The following CCDC149 variants were observed in gnomAD, a reference collection of about 807,000 sequenced individuals.
The protein encoded by CCDC149 is coiled-coil domain-containing protein 149.
A neutral mutation model predicts 59.9 loss-of-function variants in CCDC149; 45 were observed. The ratio of observed to expected loss-of-function variants is 0.75; its 90% CI spans 0.59 to 0.96. The LOEUF is 0.96. Among genes scored for constraint, CCDC149 ranks in the 40% least tolerant of loss-of-function variants. The pLI is 0.00. For synonymous variants in CCDC149, 245 were observed against 260.6 expected, an observed-to-expected ratio of 0.94 and a Z score of 0.58; for missense variants, 584 against 664.7, an observed-to-expected ratio of 0.88 and a Z score of 1.33.
At chr4:24,913,782 C>CA (rs1190133337), upstream of CCDC149, among the ~76,000 whole-genome samples, 7 of 152,020 alleles carry the variant, frequency 4.6e-5, no homozygotes, top group Non-Finnish European at 8.8e-5. Context: ...CCCCTCTTTA[C>CA]AAAAAATAAA....
chr4:24,873,965 ATTGT>A (rs143722356), intron 2 of CCDC149, among the ~76,000 whole-genome samples: 14,288 of 152,230 alleles, frequency 0.094, 794 homozygotes, highest in South Asian at 0.15. Context: ...ATTTCCTAAA[ATTGT>A]TTGAACACAA....
intron 1 of CCDC149, among the ~76,000 whole-genome samples, chr4:24,936,684 T>A (rs190629302): frequency 1.2e-3 from 180 of 152,186 alleles, no homozygotes; most frequent in Admixed American, 4.7e-3. Flanking sequence ...TTTGTTCCCA[T>A]TGATCAACCT....
chr4:24,912,938 G>A lies in CCDC149; in HGVS notation c.-59C>T. ...CTCCTCCTCGCGACGTCGCGTCGCC[G>A]CCGCCGCCCGGGCCCCGCGCGGCCC... On this transcript the variant is annotated 5_prime_UTR_variant, in exon 1 of 13. Coordinates refer to ENST00000635206, the MANE Select transcript of CCDC149 (RefSeq NM_001330643.2). 1 of 1,052,372 alleles carries A rather than the reference G, an allele frequency of 9.5e-7. No individual in the cohort carries two copies. Among genetic ancestry groups the A allele is most frequent in the Non-Finnish European group, 1.2e-6 (1 of 817,064 alleles). 65.2% of individuals were successfully genotyped at this position (1,052,372 alleles called of 1,614,324 possible).
chr4:24,814,372 G>GA (rs1344852922), intron 12 of CCDC149, among the ~76,000 whole-genome samples: 2 of 152,024 alleles, frequency 1.3e-5, no homozygotes, highest in Admixed American at 6.6e-5. Context: ...CCTTGATTTT[G>GA]AAAAAAACAA....
Position 24,837,319 on chromosome 4 carries a change from T to C in CCDC149, c.571A>G (p.Lys191Glu). 1 of 1,614,200 alleles carries C rather than the reference T, an allele frequency of 6.2e-7. No homozygotes were observed. The highest frequency in any genetic ancestry group is 8.5e-7 in the Non-Finnish European group (1 of 1,180,042). The change falls in exon 6 of 13, where the codon AAA (lysine) becomes GAA (glutamate). Residue 191 changes from lysine to glutamate, a missense_variant. Lys to Glu is a moderately conservative substitution (Grantham distance 56, BLOSUM62 1). Transcript: ENST00000635206. This position sits in a 1 kb window ranked among gnomAD's most constrained non-coding sequence, Gnocchi z 4.3. ...AGCTCCTGGTTGAGCCTCTCCACTT[T>C]GTCCTGGTAGGAAGACCGTTCTTCT...
intron 1 of CCDC149, among the ~76,000 whole-genome samples, chr4:24,910,381 C>A (rs1378769219): frequency 2.0e-5 from 3 of 152,126 alleles, no homozygotes; most frequent in Admixed American, 1.3e-4. Flanking sequence ...TCTGCAAAGG[C>A]CCTATTTCCA....
intron 12 of CCDC149, among the ~76,000 whole-genome samples, chr4:24,816,693 CTTATTA>C (rs1190500140): frequency 1.3e-5 from 2 of 152,138 alleles, no homozygotes; most frequent in South Asian, 4.2e-4. Context: ...ATCATTAACA[CTTATTA>C]TTAATAATGA....
At chr4:24,873,626 T>C in intron 3 of CCDC149, 55 bp downstream of exon 3, 1 of 1,142,470 alleles carries the variant, frequency 8.8e-7, no homozygotes, top group Non-Finnish European at 1.3e-6. Flanking sequence ...TCCCTGATCC[T>C]CCCAATTGCT....
chr4:24,879,956 T>C (rs985057983), intron 1 of CCDC149, among the ~76,000 whole-genome samples: 2 of 152,192 alleles, frequency 1.3e-5, no homozygotes, highest in Non-Finnish European at 2.9e-5. Context: ...AGGCCACAGA[T>C]AGCCCACAAG....
intron 2 of CCDC149, among the ~76,000 whole-genome samples, chr4:24,873,932 T>C (rs943350588): frequency 5.3e-5 from 8 of 151,866 alleles, no homozygotes; most frequent in Admixed American, 3.9e-4. Flanking sequence ...GGGAATCAGT[T>C]CCCATTAGGA....
At chr4:24,907,073 A>C (rs1721579600) in intron 1 of CCDC149, among the ~76,000 whole-genome samples, 1 of 152,236 alleles carries the variant, frequency 6.6e-6, no homozygotes, top group African/African-American at 2.4e-5. Context: ...TCCACTACTC[A>C]AACAACAAAA....
intron 3 of CCDC149, among the ~76,000 whole-genome samples, chr4:24,864,955 G>T (rs369731426): frequency 1.3e-4 from 20 of 152,194 alleles, no homozygotes; most frequent in East Asian, 5.8e-4. Flanking sequence ...GTGTACACGG[G>T]GTTCCTGGAA....
intron 1 of CCDC149, among the ~76,000 whole-genome samples, chr4:24,908,466 G>C (rs1267218560): frequency 6.6e-6 from 1 of 151,638 alleles, no homozygotes; most frequent in Admixed American, 6.6e-5. Flanking sequence ...GGGAGGCTGA[G>C]GCAGGATTCC....
At chr4:24,876,296 C>T (rs1577439149) in intron 2 of CCDC149, among the ~76,000 whole-genome samples, 1 of 42,026 alleles carries the variant, frequency 2.4e-5, no homozygotes, top group African/African-American at 8.8e-5. Context: ...CACACGTACA[C>T]ACACACACAC....
chr4:24,842,541 G>A (rs1455353174), intron 4 of CCDC149, among the ~76,000 whole-genome samples: 1 of 152,166 alleles, frequency 6.6e-6, no homozygotes, highest in South Asian at 2.1e-4. Context: ...CACAGCACCC[G>A]CGCCGCCACC....
chr4:24,962,276 A>C (rs1433363680), intron 1 of CCDC149, among the ~76,000 whole-genome samples: 4 of 152,068 alleles, frequency 2.6e-5, no homozygotes, highest in Non-Finnish European at 4.4e-5. Context: ...ATCTCACACC[A>C]GTTAGAATGG....
rs28647668 is a variant in CCDC149 at position 24,978,054 on chromosome 4, C to G, written c.-65+2015G>C. On this transcript the variant is annotated intron_variant, in intron 1 of 12. Transcript: ENST00000389609. ...AACCGAGGCAGAAGGATTGCTTGAA[C>G]CCAAGACTTTGGGGCTGCACTGACC... 7.6e-3 allele frequency among the ~76,000 whole-genome samples: 1,150 copies of G among 152,278 alleles called. 15 individuals are homozygous for G. The highest frequency in any genetic ancestry group is 0.026 in the African/African-American group (1,082 of 41,530).
chr4:24,875,383 C>G (rs983998420), intron 2 of CCDC149, among the ~76,000 whole-genome samples: 2 of 151,064 alleles, frequency 1.3e-5, no homozygotes, highest in African/African-American at 4.9e-5. Flanking sequence ...CTGGATGATT[C>G]AAATCTGGAT....
At chr4:24,941,489 AG>A (rs770998625) in intron 1 of CCDC149, among the ~76,000 whole-genome samples, 7 of 152,216 alleles carry the variant, frequency 4.6e-5, no homozygotes, top group Non-Finnish European at 8.8e-5. Flanking sequence ...TAAAAGAACT[AG>A]GGAAGCAAGA....
Sources: allele counts gnomAD v4.1 joint callset (sites outside exome capture counted in the v4.1 genomes callset), GRCh38; gene constraint gnomAD v4.1.1; non-coding constraint Gnocchi (gnomAD v3.1); transcripts MANE v1.5; gene names NCBI Gene and HGNC (gene_info 2026-07-23, HGNC 2026-07-21).